The following CCDC47 variants were observed in gnomAD, a reference collection of about 807,000 sequenced individuals.
CCDC47 encodes the protein coiled-coil domain containing 47, also known as PAT complex subunit CCDC47.
In CCDC47, 41 loss-of-function variants were observed where a neutral mutation model predicts 60.5. The ratio of observed to expected loss-of-function variants is 0.68; its 90% CI spans 0.53 to 0.88. CCDC47 has a LOEUF of 0.88. Among genes scored for constraint, CCDC47 ranks in the 40% least tolerant of loss-of-function variants. CCDC47 has a pLI of 0.00. For synonymous variants in CCDC47, 195 were observed against 190.7 expected (o/e 1.02, Z -0.18); for missense variants, 513 against 580.9 (o/e 0.88, Z 1.20).
intron 12 of CCDC47, chr17:63,751,708 C>T (rs1432561611): frequency 1.0e-5 from 6 of 580,300 alleles, no homozygotes; most frequent in Non-Finnish European, 1.8e-5. Flanking sequence ...TGAAATTGTG[C>T]TGGGGGAACA....
chr17:63,771,655 A>G (rs942798119), intron 1 of CCDC47, among the ~76,000 whole-genome samples: 1 of 152,170 alleles, frequency 6.6e-6, no homozygotes, highest in African/African-American at 2.4e-5. Flanking sequence ...AGTCCTCTAA[A>G]TTACTACCTG....
At chr17:63,759,490 CAAAA>C (rs1161033742) in intron 6 of CCDC47, among the ~76,000 whole-genome samples, 3 of 5,372 alleles carry the variant, frequency 5.6e-4, no homozygotes, top group Admixed American at 5.6e-3. Flanking sequence ...TTCTGTCTCC[CAAAA>C]AAAAAAAAAA....
intron 12 of CCDC47, among the ~76,000 whole-genome samples, chr17:63,748,900 G>A (rs543778413): frequency 6.6e-6 from 1 of 151,754 alleles, no homozygotes; most frequent in Non-Finnish European, 1.5e-5. Flanking sequence ...TGTAATCCCA[G>A]CTACTTGGGA....
At chr17:63,771,226 TA>T (rs1026948689) in intron 1 of CCDC47, among the ~76,000 whole-genome samples, 11 of 150,440 alleles carry the variant, frequency 7.3e-5, no homozygotes, top group Admixed American at 1.3e-4. Flanking sequence ...CAAGAACAGT[TA>T]AAAAAAAATA....
chr17:63,751,365 CAAAAAAAAAAAAAAAAAA>C lies in CCDC47; in HGVS notation c.1371+557_1371+574del, dbSNP rs59161342. On this transcript the variant is annotated intron_variant, in intron 12 of 12. Coordinates refer to ENST00000225726, the MANE Select transcript of CCDC47 (RefSeq NM_020198.3). ...TGGGTGACAGAGTGAGACTCCATCT[CAAAAAAAAAAAAAAAAAA>C]AAAAAAAAAAAAAAAAAAAAATTTA... Among the ~76,000 whole-genome samples, 33 of 29,510 alleles carry C rather than the reference CAAAAAAAAAAAAAAAAAA, an allele frequency of 1.1e-3. 1 individual carries two copies. Among genetic ancestry groups the C allele is most frequent in the East Asian group, 6.4e-3 (3 of 470 alleles). 19.4% of individuals were successfully genotyped at this position (29,510 alleles called of 152,430 possible).
At chr17:63,757,696 C>A (rs2144483021) in intron 6 of CCDC47, among the ~76,000 whole-genome samples, 1 of 152,258 alleles carries the variant, frequency 6.6e-6, no homozygotes, top group Non-Finnish European at 1.5e-5. Flanking sequence ...ATAAACAAAA[C>A]CTAAATGGAA....
rs934743925 is a variant in CCDC47, at chr17:63,745,599, A to C, written c.*1282T>G. 2.0e-5 allele frequency: 3 copies of C among 152,214 alleles called. No individual in the cohort carries two copies. Among genetic ancestry groups the C allele is most frequent in the African/African-American group, 7.2e-5 (3 of 41,454 alleles). The allele number at this position is 152,214 out of a possible 1,614,324, so 9.4% of individuals were successfully genotyped here. A position where few individuals can be genotyped will look rare whatever the true frequency, so the allele number is the denominator to read the frequency against. ...AAAGTTTCCATGCAGTTACAAAGGC[A>C]GCAGCACATGCTGTTTTCACAGCAA... On this transcript the variant is annotated 3_prime_UTR_variant, in exon 13 of 13. Transcript: ENST00000225726.
intron 8 of CCDC47, 55 bp downstream of exon 8, chr17:63,756,183 GGA>G (rs1318023755): frequency 8.9e-7 from 1 of 1,126,008 alleles, no homozygotes; most frequent in Non-Finnish European, 1.4e-6. Flanking sequence ...AGACTTTTAG[GGA>G]GAGTGTCCTG....
Position 63,761,357 on chromosome 17 carries a change from G to C in CCDC47, c.548-6C>G, listed in dbSNP as rs373077032. 18 of 1,613,528 alleles carry C rather than the reference G, an allele frequency of 1.1e-5. No homozygotes were observed. The African/African-American group carries it at 2.3e-4, about 20-fold the overall frequency. The stretch of plus-strand genomic sequence containing the variant: ...TTTGTTAGTTCCATCATCCCCTAGG[G>C]GTAAAACCACTTAATGTGACTCAAC... On this transcript the variant is annotated splice_polypyrimidine_tract_variant and splice_region_variant and intron_variant, in intron 4 of 12. Coordinates refer to ENST00000225726, the MANE Select transcript of CCDC47 (RefSeq NM_020198.3).
intron 9 of CCDC47, 69 bp from the exon 10 acceptor site, chr17:63,752,868 A>G (rs1181842892): frequency 6.4e-7 from 1 of 1,571,206 alleles, no homozygotes; most frequent in Non-Finnish European, 8.6e-7. Context: ...CAAGTCACCC[A>G]ATACACTTAG....
chr17:63,773,205 A>G (rs927232810), intron 1 of CCDC47, among the ~76,000 whole-genome samples: 5 of 152,256 alleles, frequency 3.3e-5, no homozygotes, highest in African/African-American at 1.2e-4. Flanking sequence ...AAGAGAATCA[A>G]TACATCCTAA....
chr17:63,759,499 A>AG, intron 6 of CCDC47, among the ~76,000 whole-genome samples: 1 of 29,750 alleles, frequency 3.4e-5, no homozygotes, highest in Admixed American at 4.2e-4. Flanking sequence ...CCAAAAAAAA[A>AG]AAAAAAAAAA....
intron 4 of CCDC47, chr17:63,761,709 A>AT: frequency 6.4e-6 from 3 of 466,830 alleles, no homozygotes; most frequent in Non-Finnish European, 8.4e-6. Context: ...AAAAAAAAAA[A>AT]GGAAACAAGG....
In CCDC47 at chr17:63,756,478, C is replaced by T; in HGVS notation, c.828G>A (p.Met276Ile). 1 of 1,613,410 alleles carries T rather than the reference C, an allele frequency of 6.2e-7. No individual in the cohort carries two copies. Among genetic ancestry groups the T allele is most frequent in the Non-Finnish European group, 8.5e-7 (1 of 1,179,300 alleles). ...GAGCAACCTGACATACCAAATCCTG[C>T]ATCTCTTTCTGTAGTCGCACCAAGG... ...RKALVRLQKE[M>I]QDLSEFCSDK... The change falls in exon 7 of 13, where the codon ATG (methionine) becomes ATA (isoleucine). Residue 276 changes from methionine to isoleucine, a missense_variant. Transcript: ENST00000225726.
intron 4 of CCDC47, among the ~76,000 whole-genome samples, chr17:63,762,693 G>A (rs189082521): frequency 6.6e-6 from 1 of 152,134 alleles, no homozygotes; most frequent in Non-Finnish European, 1.5e-5. Context: ...GTATATTTCA[G>A]CAGTGGATCC....
intron 10 of CCDC47, 79 bp from the exon 11 acceptor site, chr17:63,752,508 TA>T (rs1400951133): frequency 3.1e-6 from 3 of 976,870 alleles, no homozygotes; most frequent in Non-Finnish European, 4.5e-6. Context: ...TTTTTTTTTT[TA>T]ATCTTAAGAG....
At chr17:63,752,626 G>C in intron 10 of CCDC47, 115 bp downstream of exon 10, 1 of 1,086,704 alleles carries the variant, frequency 9.2e-7, no homozygotes, top group Non-Finnish European at 1.3e-6. Flanking sequence ...CAGTAAGCAA[G>C]CACAGGCTTA....
chr17:63,766,952 T>A, intron 1 of CCDC47: 1 of 983,002 alleles, frequency 1.0e-6, no homozygotes, highest in Non-Finnish European at 1.2e-6. Flanking sequence ...TGCATGAACA[T>A]AATTATCATA....
At chr17:63,772,336 C>T (rs1487221175) in intron 1 of CCDC47, among the ~76,000 whole-genome samples, 1 of 144,440 alleles carries the variant, frequency 6.9e-6, no homozygotes, top group South Asian at 2.2e-4. Context: ...TCACTGCAAG[C>T]TCCGCCTCCC....
Sources: allele counts gnomAD v4.1 joint callset (sites outside exome capture counted in the v4.1 genomes callset), GRCh38; gene constraint gnomAD v4.1.1; transcripts MANE v1.5; gene names NCBI Gene and HGNC (gene_info 2026-07-23, HGNC 2026-07-21).